Variants in KSR1 observed in about 807,000 individuals in gnomAD.
KSR1 encodes the protein kinase suppressor of ras.
Under a neutral mutation model 92.9 loss-of-function variants are expected in KSR1, and 35 were observed. The ratio of observed to expected loss-of-function variants is 0.38; its 90% CI spans 0.29 to 0.50. The LOEUF (loss-of-function observed/expected upper bound fraction) is 0.50. Ranked by LOEUF, KSR1 falls within the 20% of genes least tolerant of loss-of-function variation. The pLI is 0.94. For synonymous variants in KSR1, 467 were observed against 472.6 expected, an observed-to-expected ratio of 0.99 and a Z score of 0.15; for missense variants, 972 against 1,158.5, an observed-to-expected ratio of 0.84 and a Z score of 2.34.
At chr17:27,557,900 G>A (rs1026128621) in intron 2 of KSR1, 4 of 152,604 alleles carry the variant, frequency 2.6e-5, no homozygotes, top group Non-Finnish European at 5.9e-5. Context: ...CCTATGTAAT[G>A]TTTGTGTGCA....
intron 1 of KSR1, among the ~76,000 whole-genome samples, chr17:27,497,921 G>A (rs1170138386): frequency 2.6e-5 from 4 of 152,216 alleles, no homozygotes; most frequent in Non-Finnish European, 5.9e-5. Flanking sequence ...CACGGTGGCA[G>A]TTTCTTTCCG....
chr17:27,485,347 C>G (rs1028580706), intron 1 of KSR1, among the ~76,000 whole-genome samples: 1 of 152,180 alleles, frequency 6.6e-6, no homozygotes, highest in Non-Finnish European at 1.5e-5. Flanking sequence ...GCTGGGGAGA[C>G]ACTCCCTCTC....
intron 1 of KSR1, among the ~76,000 whole-genome samples, chr17:27,479,680 G>T (rs141422718): frequency 6.6e-6 from 1 of 152,148 alleles, no homozygotes; most frequent in East Asian, 1.9e-4. Flanking sequence ...CCTCTGTTGC[G>T]GCCTCCAGGG....
intron 1 of KSR1, among the ~76,000 whole-genome samples, chr17:27,491,573 TAG>T: frequency 6.6e-6 from 1 of 152,264 alleles, no homozygotes; most frequent in South Asian, 2.1e-4. Context: ...CTTGGGGGGA[TAG>T]AGGGGAAACT....
intron 1 of KSR1, among the ~76,000 whole-genome samples, chr17:27,547,059 C>T (rs986824428): frequency 6.6e-6 from 1 of 152,176 alleles, no homozygotes; most frequent in Non-Finnish European, 1.5e-5. Context: ...GATTCTGACT[C>T]AGCGCTCCCT....
chr17:27,588,550 C>T lies in KSR1; in HGVS notation c.1046+15C>T. ...GTGACGCACAGGTAGGCACAGCGGG[C>T]CTGGAGGGGGAGCAGGGCACAGCCG... On this transcript the variant is annotated intron_variant, in intron 6 of 20. Transcript: ENST00000644974. 2 of 1,583,562 alleles carry T rather than the reference C, an allele frequency of 1.3e-6. No homozygotes were observed. The highest frequency in any genetic ancestry group is 1.7e-6 in the Non-Finnish European group (2 of 1,165,230).
Position 27,526,586 on chromosome 17 carries a change from A to G in KSR1, c.232-23982A>G, listed in dbSNP as rs551714502. 73 of 1,588,626 alleles carry G rather than the reference A, an allele frequency of 4.6e-5. No individual in the cohort carries two copies. The African/African-American group carries it at 5.6e-4, about 12-fold the overall frequency. ...ACCTCATTCATTTGTATCAGTTGCAATTGTAAGATGGACATTTGTTGATCA... is the reference window on the plus strand; with the variant it reads ...ACCTCATTCATTTGTATCAGTTGCAGTTGTAAGATGGACATTTGTTGATCA... On this transcript the variant is annotated intron_variant, in intron 1 of 20. Coordinates refer to ENST00000644974, the MANE Select transcript of KSR1 (RefSeq NM_001394583.1).
rs1178665980 is a variant in KSR1, at chr17:27,623,525, A to G, written c.*133A>G. On this transcript the variant is annotated 3_prime_UTR_variant, in exon 21 of 21. Transcript: ENST00000644974. ...CCAGGAGCACACGTCCTAGATTCAG[A>G]CTGTTGGCCATAAACCCCACTCGGG... 4.4e-6 allele frequency: 3 copies of G among 679,496 alleles called. No homozygotes were observed. Among genetic ancestry groups the G allele is most frequent in the Admixed American group, 2.4e-5 (1 of 42,116 alleles). The allele number at this position is 679,496 out of a possible 1,614,324, so 42.1% of individuals were successfully genotyped here.
At chr17:27,569,334 C>T (rs571180984) in intron 2 of KSR1, among the ~76,000 whole-genome samples, 6 of 152,220 alleles carry the variant, frequency 3.9e-5, no homozygotes, top group Admixed American at 2.6e-4. Flanking sequence ...CACACAGGAG[C>T]CTGGTTTTAG....
At chr17:27,497,277 G>C (rs1429817601) in intron 1 of KSR1, among the ~76,000 whole-genome samples, 1 of 152,216 alleles carries the variant, frequency 6.6e-6, no homozygotes, top group African/African-American at 2.4e-5. Flanking sequence ...AGCTGGGGAA[G>C]ATTGAATAAC....
intron 4 of KSR1, among the ~76,000 whole-genome samples, chr17:27,585,089 A>G (rs916000881): frequency 6.6e-6 from 1 of 152,150 alleles, no homozygotes; most frequent in African/African-American, 2.4e-5. Context: ...GGCATGTGCC[A>G]CCACACCTGG....
At chr17:27,457,928 T>C (rs2019258957) in intron 1 of KSR1, among the ~76,000 whole-genome samples, 4 of 122,780 alleles carry the variant, frequency 3.3e-5, no homozygotes. Flanking sequence ...CCCTTATTGC[T>C]AATTGCCTCT....
chr17:27,549,485 T>C (rs1044699919), intron 1 of KSR1, among the ~76,000 whole-genome samples: 1 of 152,210 alleles, frequency 6.6e-6, no homozygotes, highest in Non-Finnish European at 1.5e-5. Context: ...CCCAGTCCAA[T>C]GCTGGGCACC....
At chr17:27,580,166 G>C (rs758145790) in intron 3 of KSR1, among the ~76,000 whole-genome samples, 5 of 152,108 alleles carry the variant, frequency 3.3e-5, no homozygotes, top group Non-Finnish European at 7.3e-5. Context: ...TCCTTTGGTG[G>C]CAAGCTTGCT....
intron 2 of KSR1, chr17:27,560,426 G>C (rs1567828549): frequency 1.9e-6 from 1 of 518,960 alleles, no homozygotes; most frequent in Non-Finnish European, 3.8e-6. Context: ...TACTGCTGGT[G>C]GTTCCTGAAC....
chr17:27,535,749 GC>G (rs1181820458), intron 1 of KSR1, among the ~76,000 whole-genome samples: 8 of 152,226 alleles, frequency 5.3e-5, no homozygotes, highest in African/African-American at 1.9e-4. Context: ...TCAGCCAGCA[GC>G]TGTGTCATAT....
intron 10 of KSR1, 39 bp from the exon 11 acceptor site, chr17:27,601,321 C>T (rs753523459): frequency 7.4e-5 from 118 of 1,586,964 alleles, no homozygotes; most frequent in South Asian, 2.4e-4. Flanking sequence ...CTGCGTTGGC[C>T]GTTCTGTGTG....
intron 19 of KSR1, 65 bp from the exon 20 acceptor site, chr17:27,621,128 A>G: frequency 2.5e-6 from 1 of 398,360 alleles, no homozygotes; most frequent in Non-Finnish European, 4.4e-6. Context: ...GCCTGACTCC[A>G]TCACATGCCG....
intron 1 of KSR1, among the ~76,000 whole-genome samples, chr17:27,488,294 T>A (rs1396896373): frequency 6.6e-6 from 1 of 152,248 alleles, no homozygotes; most frequent in African/African-American, 2.4e-5. Context: ...ACAATCCTTT[T>A]ACTGAAGTGA....
Sources: gnomAD v4.1 joint callset for allele counts (sites outside exome capture counted in the v4.1 genomes callset) on GRCh38, gnomAD v4.1.1 for gene constraint, MANE v1.5 for transcripts, NCBI Gene and HGNC (gene_info 2026-07-23, HGNC 2026-07-21) for gene names.